Variants in GAS2 observed in about 807,000 individuals in gnomAD.
GAS2 encodes growth arrest-specific protein 2.
A neutral mutation model predicts 37.5 loss-of-function variants in GAS2; 20 were observed. The ratio of observed to expected loss-of-function variants is 0.53; its 90% CI spans 0.37 to 0.77. The LOEUF (loss-of-function observed/expected upper bound fraction) is 0.77. GAS2 is among the 30% of genes least tolerant of loss of function. The pLI, the probability that GAS2 is intolerant of heterozygous loss-of-function variation, is 0.00. For synonymous variants in GAS2, 144 were observed against 132.2 expected, an observed-to-expected ratio of 1.09 and a Z score of -0.61; for missense variants, 336 against 373.4, an observed-to-expected ratio of 0.90 and a Z score of 0.82.
At chr11:22,689,229 G>A (rs1590638949) in intron 3 of GAS2, among the ~76,000 whole-genome samples, 2 of 151,858 alleles carry the variant, frequency 1.3e-5, no homozygotes, top group African/African-American at 4.8e-5. Flanking sequence ...ACCTCAACAA[G>A]GTGCAATTTA....
chr11:22,756,043 C>A, intron 7 of GAS2, 90 bp downstream of exon 7: 2 of 837,896 alleles, frequency 2.4e-6, no homozygotes, highest in South Asian at 1.7e-5. Context: ...CAGGAACTTC[C>A]ATATGGTGCT....
intron 7 of GAS2, among the ~76,000 whole-genome samples, chr11:22,809,709 G>A (rs556798222): frequency 1.3e-5 from 2 of 149,968 alleles, no homozygotes; most frequent in South Asian, 2.1e-4. Flanking sequence ...GGTCAGGATG[G>A]TCTCAAACTC....
At position 22,708,792 on chromosome 11, in the gene GAS2, G is replaced by T. The variant is rs546943064; in HGVS notation, c.268-17500G>T. Among the ~76,000 whole-genome samples the T allele has an allele frequency of 6.6e-5, 10 of 152,306 alleles. No homozygotes were observed. In the South Asian group the frequency reaches 2.1e-3, roughly 32 times the overall value. On this transcript the variant is annotated intron_variant, in intron 3 of 7. Transcript: ENST00000454584. Reference sequence around the variant, plus strand: ...TAAAAGGAAAGATAGTTGTTAATCAGTTAATCATATGAAGGAACTTGATAG... The same window carrying T: ...TAAAAGGAAAGATAGTTGTTAATCATTTAATCATATGAAGGAACTTGATAG...
intron 5 of GAS2, among the ~76,000 whole-genome samples, chr11:22,738,710 C>G (rs990703674): frequency 1.3e-5 from 2 of 152,118 alleles, no homozygotes; most frequent in African/African-American, 4.8e-5. Flanking sequence ...TACAACTTGG[C>G]TAGAAAACTT....
chr11:22,671,192 A>G (rs1874978), intron 1 of GAS2, among the ~76,000 whole-genome samples: 97,519 of 151,806 alleles, frequency 0.64, 32,113 homozygotes, highest in East Asian at 0.83. Flanking sequence ...TTATTCCAGA[A>G]TCACTTCTAC....
intron 3 of GAS2, among the ~76,000 whole-genome samples, chr11:22,710,210 C>CTT (rs766387317): frequency 4.3e-4 from 66 of 152,032 alleles, no homozygotes; most frequent in Non-Finnish European, 4.4e-4. Flanking sequence ...ACAAAAACAA[C>CTT]TTTTTTTCCC....
At chr11:22,628,828 C>T (rs1387704734) in intron 1 of GAS2, among the ~76,000 whole-genome samples, 1 of 152,176 alleles carries the variant, frequency 6.6e-6, no homozygotes, top group Non-Finnish European at 1.5e-5. Flanking sequence ...TTATACCACT[C>T]TGTCTGCCTT....
intron 7 of GAS2, among the ~76,000 whole-genome samples, chr11:22,775,157 G>A (rs571052637): frequency 6.6e-6 from 1 of 152,284 alleles, no homozygotes; most frequent in East Asian, 1.9e-4. Flanking sequence ...AAGGCAATAA[G>A]AAGATTCTAA....
intron 1 of GAS2, among the ~76,000 whole-genome samples, chr11:22,644,218 C>A (rs753195437): frequency 2.0e-5 from 3 of 152,032 alleles, no homozygotes; most frequent in African/African-American, 7.2e-5. Context: ...TACTTCCAGA[C>A]GTAATCTGAG....
intron 1 of GAS2, among the ~76,000 whole-genome samples, chr11:22,645,425 T>C (rs1848677345): frequency 6.6e-6 from 1 of 152,062 alleles, no homozygotes. Context: ...TAGAATCGCT[T>C]GAACCCGGGA....
rs1856024380 is a variant in GAS2, at chr11:22,789,456, TC to T, written c.724-22341del. On this transcript the variant is annotated intron_variant, in intron 7 of 7. Transcript: ENST00000454584. The stretch of plus-strand genomic sequence containing the variant: ...TATATATATATATATATATATATAT[TC>T]TTTTTTTTTTTTTTTTTTTTTTGAG... Among the ~76,000 whole-genome samples, 199 of 54,004 alleles carry T rather than the reference TC, an allele frequency of 3.7e-3. 7 individuals are homozygous for T. The highest frequency in any genetic ancestry group is 0.012 in the African/African-American group (193 of 16,290). The allele number at this position is 54,004 out of a possible 152,430, so 35.4% of individuals were successfully genotyped here.
chr11:22,632,016 T>C (rs567582365), intron 1 of GAS2, among the ~76,000 whole-genome samples: 1 of 151,694 alleles, frequency 6.6e-6, no homozygotes, highest in East Asian at 1.9e-4. Context: ...GATTGGCTTA[T>C]TCAGGATTTT....
Position 22,668,181 on chromosome 11 carries a change from A to G in GAS2, c.-21+1282A>G, listed in dbSNP as rs568004785. On this transcript the variant is annotated intron_variant, in intron 1 of 7. Coordinates refer to ENST00000454584, the MANE Select transcript of GAS2 (RefSeq NM_001143830.3). ...CAAACTCTTAGCAGTGTGGACACTG[A>G]TTAACTGCAGCTGGGGTCTGATTTG... The G allele has an allele frequency of 3.9e-5, 6 of 152,316 alleles. No homozygotes were observed. The South Asian group carries it at 1.2e-3, about 32-fold the overall frequency. The allele number at this position is 152,316 out of a possible 1,614,324, so 9.4% of individuals were successfully genotyped here. A position where few individuals can be genotyped will look rare whatever the true frequency, so the allele number is the denominator to read the frequency against.
chr11:22,754,477 A>G (rs1009357246), intron 6 of GAS2, among the ~76,000 whole-genome samples: 4 of 152,106 alleles, frequency 2.6e-5, no homozygotes, highest in African/African-American at 7.2e-5. Context: ...ATGGCAATGT[A>G]TATATTAAAG....
intron 3 of GAS2, among the ~76,000 whole-genome samples, chr11:22,718,893 A>C (rs79766199): frequency 0.018 from 2,803 of 152,186 alleles, 88 homozygotes; most frequent in African/African-American, 0.064. Context: ...GGATGTATAT[A>C]TAAATTAGGC....
chr11:22,636,137 G>A (rs888531164), intron 1 of GAS2, among the ~76,000 whole-genome samples: 7 of 152,078 alleles, frequency 4.6e-5, no homozygotes, highest in African/African-American at 9.7e-5. Flanking sequence ...CAGTTTTCCT[G>A]TTAAATTCCT....
At chr11:22,652,653 C>T (rs1330564651) in intron 1 of GAS2, among the ~76,000 whole-genome samples, 2 of 152,212 alleles carry the variant, frequency 1.3e-5, no homozygotes, top group Non-Finnish European at 2.9e-5. Flanking sequence ...GTGGGAAAAG[C>T]GCAGTATTCG....
At chr11:22,777,646 A>G (rs530488191) in intron 7 of GAS2, among the ~76,000 whole-genome samples, 2 of 152,342 alleles carry the variant, frequency 1.3e-5, no homozygotes, top group South Asian at 4.1e-4. Context: ...GAAGAACTCA[A>G]GGGCTCTTCA....
At chr11:22,773,514 C>A (rs1245929737) in intron 7 of GAS2, among the ~76,000 whole-genome samples, 1 of 151,570 alleles carries the variant, frequency 6.6e-6, no homozygotes. Context: ...CTGCCTCAGC[C>A]TCCCGAGTAG....
Sources: allele counts gnomAD v4.1 joint callset (sites outside exome capture counted in the v4.1 genomes callset), GRCh38; gene constraint gnomAD v4.1.1; transcripts MANE v1.5; gene names NCBI Gene and HGNC (gene_info 2026-07-23, HGNC 2026-07-21).